The following ADAMTS17 variants were observed in gnomAD, a reference collection of about 807,000 sequenced individuals.
ADAMTS17 encodes ADAM metallopeptidase with thrombospondin type 1 motif 17, also known as A disintegrin and metalloproteinase with thrombospondin motifs 17.
Under a neutral mutation model 141.5 loss-of-function variants are expected in ADAMTS17, and 113 were observed. The observed-to-expected ratio is 0.80, with a 90% CI of 0.69 to 0.93. ADAMTS17 has a LOEUF of 0.93. Among genes scored for constraint, ADAMTS17 ranks in the 40% least tolerant of loss-of-function variants. The probability of loss-of-function intolerance (pLI) is 0.00; values close to 1 mark genes in which losing one functional copy is unlikely to be tolerated. For synonymous variants in ADAMTS17, 768 were observed against 630.6 expected (o/e 1.22, Z -3.27); for missense variants, 1,659 against 1,517.9 (o/e 1.09, Z -1.54).
At chr15:100,254,006 CT>C in intron 7 of ADAMTS17, 129 bp downstream of exon 7, 3 of 883,852 alleles carry the variant, frequency 3.4e-6, no homozygotes, top group Non-Finnish European at 5.6e-6. Flanking sequence ...CAAAGACCAA[CT>C]TACAGGAAGG....
At chr15:100,256,161 A>C (rs925464759) in intron 6 of ADAMTS17, among the ~76,000 whole-genome samples, 3 of 152,066 alleles carry the variant, frequency 2.0e-5, no homozygotes, top group Admixed American at 6.5e-5. Context: ...CTCATGACAA[A>C]CCCCCAGGCA....
chr15:100,199,574 T>C (rs2041244440), intron 7 of ADAMTS17, 151 bp from the exon 8 acceptor site: 9 of 750,148 alleles, frequency 1.2e-5, no homozygotes, highest in East Asian at 2.5e-5. Flanking sequence ...GAAGGGTTTG[T>C]GTATGATGCT....
At chr15:100,029,386 C>G (rs1330554727) in intron 18 of ADAMTS17, among the ~76,000 whole-genome samples, 2 of 152,198 alleles carry the variant, frequency 1.3e-5, no homozygotes, top group Non-Finnish European at 2.9e-5. Flanking sequence ...CCCAGGTTGT[C>G]ACAAACCTTC....
chr15:99,991,615 G>A (rs769861671), intron 20 of ADAMTS17, among the ~76,000 whole-genome samples: 19 of 152,202 alleles, frequency 1.2e-4, no homozygotes, highest in African/African-American at 2.7e-4. Flanking sequence ...ACAGTGTGGC[G>A]ATTCCTCAAG....
intron 6 of ADAMTS17, among the ~76,000 whole-genome samples, chr15:100,256,164 C>T (rs1208954914): frequency 1.3e-5 from 2 of 152,192 alleles, no homozygotes; most frequent in African/African-American, 4.8e-5. Flanking sequence ...ATGACAAACC[C>T]CCAGGCAGGG....
chr15:100,318,449 G>C (rs1330288203), intron 3 of ADAMTS17, among the ~76,000 whole-genome samples: 1 of 152,096 alleles, frequency 6.6e-6, no homozygotes, highest in Non-Finnish European at 1.5e-5. Context: ...TTATAAGAGA[G>C]TCTCCAGAGA....
intron 2 of ADAMTS17, among the ~76,000 whole-genome samples, chr15:100,333,586 T>C (rs1400370501): frequency 6.6e-6 from 1 of 152,228 alleles, no homozygotes; most frequent in Non-Finnish European, 1.5e-5. Context: ...TGATTCCATG[T>C]GGAGAGGTCC....
intron 15 of ADAMTS17, among the ~76,000 whole-genome samples, chr15:100,083,070 C>T (rs925701612): frequency 5.9e-5 from 9 of 152,264 alleles, no homozygotes; most frequent in East Asian, 1.9e-4. Context: ...CACATTTCAC[C>T]GGCCACTTAA....
Position 100,143,752 on chromosome 15 carries a change from C to T in ADAMTS17, c.1473+8860G>A, listed in dbSNP as rs984489116. On this transcript the variant is annotated intron_variant, in intron 10 of 21. Transcript: ENST00000268070. ...TGTATTTTAATTTTTCTCAGTTCTC[C>T]GGTATGCAAATGTTTGAGAAACCAG... is the stretch of plus-strand genomic sequence containing the variant. Among the ~76,000 whole-genome samples the T allele has an allele frequency of 8.5e-5, 13 of 152,142 alleles. No individual in the cohort carries two copies. In the South Asian group the frequency reaches 1.0e-3, roughly 12 times the overall value.
chr15:100,232,870 C>A (rs1379049840), intron 7 of ADAMTS17, among the ~76,000 whole-genome samples: 2 of 152,192 alleles, frequency 1.3e-5, no homozygotes, highest in African/African-American at 4.8e-5. Context: ...GCAGGTCTCA[C>A]AGGCAGAGGC....
rs796715759 is a variant in ADAMTS17, at chr15:100,037,417, T to TC, written c.2591+11439_2591+11440insG. On this transcript the variant is annotated intron_variant, in intron 18 of 21. Coordinates refer to ENST00000268070, the MANE Select transcript of ADAMTS17 (RefSeq NM_139057.4). ...CTTTAGGTATTCCTTTTTTTTTTTT[T>TC]TTCTTCTTTTTGAGACAGAGTCTCA... is the stretch of plus-strand genomic sequence containing the variant. Among the ~76,000 whole-genome samples, 918 of 151,406 alleles carry TC rather than the reference T, an allele frequency of 6.1e-3. 12 individuals are homozygous for TC. The highest frequency in any genetic ancestry group is 0.021 in the African/African-American group (857 of 40,872).
chr15:100,003,588 G>A (rs2060974085), intron 18 of ADAMTS17, among the ~76,000 whole-genome samples: 1 of 152,118 alleles, frequency 6.6e-6, no homozygotes, highest in Non-Finnish European at 1.5e-5. Context: ...TTGCACACCT[G>A]TGTTCACAGC....
chr15:100,205,875 C>T (rs80207578), intron 7 of ADAMTS17, among the ~76,000 whole-genome samples: 26,069 of 152,134 alleles, frequency 0.17, 2,788 homozygotes, highest in Middle Eastern at 0.27. Context: ...GGGTGGGCGC[C>T]GCGGTCTCTG....
chr15:100,292,164 G>A (rs537500308), intron 3 of ADAMTS17, among the ~76,000 whole-genome samples: 3 of 150,692 alleles, frequency 2.0e-5, no homozygotes, highest in African/African-American at 4.9e-5. Flanking sequence ...CTCACCCCGT[G>A]GGAAACTACG....
intron 2 of ADAMTS17, among the ~76,000 whole-genome samples, chr15:100,332,123 C>G (rs2046072000): frequency 6.6e-6 from 1 of 152,224 alleles, no homozygotes; most frequent in Non-Finnish European, 1.5e-5. Flanking sequence ...TTCAAGGTTT[C>G]CATTTCATTA....
At chr15:100,161,264 T>G (rs1174043153) in intron 8 of ADAMTS17, among the ~76,000 whole-genome samples, 1 of 152,166 alleles carries the variant, frequency 6.6e-6, no homozygotes, top group Non-Finnish European at 1.5e-5. Context: ...AGGACATGAG[T>G]AGGTGTTCTA....
chr15:100,117,878 G>A (rs1170540188), intron 12 of ADAMTS17, among the ~76,000 whole-genome samples: 3 of 152,170 alleles, frequency 2.0e-5, no homozygotes, highest in Admixed American at 2.0e-4. Flanking sequence ...GAAAGAAAAG[G>A]GCACACATCC....
chr15:100,224,727 T>C (rs2042243860), intron 7 of ADAMTS17, among the ~76,000 whole-genome samples: 1 of 152,230 alleles, frequency 6.6e-6, no homozygotes, highest in African/African-American at 2.4e-5. Flanking sequence ...ACACTCTTTG[T>C]CCTGCACTGA....
chr15:100,095,374 G>T (rs992907762), intron 15 of ADAMTS17, among the ~76,000 whole-genome samples: 1 of 152,132 alleles, frequency 6.6e-6, no homozygotes, highest in Admixed American at 6.5e-5. Flanking sequence ...TAGAAGGAAC[G>T]TTTCTTCCAG....
Sources: gnomAD v4.1 joint callset for allele counts (sites outside exome capture counted in the v4.1 genomes callset) on GRCh38, gnomAD v4.1.1 for gene constraint, MANE v1.5 for transcripts, NCBI Gene and HGNC (gene_info 2026-07-23, HGNC 2026-07-21) for gene names.